Variants in PIAS2 observed in about 807,000 individuals in gnomAD.
PIAS2 encodes the protein E3 SUMO-protein ligase PIAS2.
Under a neutral mutation model 69.7 loss-of-function variants are expected in PIAS2, and 19 were observed. That is an observed-to-expected ratio of 0.27 (90% CI 0.19 to 0.40). The LOEUF (loss-of-function observed/expected upper bound fraction) is 0.40. Ranked by LOEUF, PIAS2 falls within the 10% of genes least tolerant of loss-of-function variation. The probability of loss-of-function intolerance (pLI) is 1.00; values close to 1 mark genes in which losing one functional copy is unlikely to be tolerated. For missense variants in PIAS2, 624 were observed against 757.0 expected, an observed-to-expected ratio of 0.82 and a Z score of 2.06; for synonymous variants, 261 against 263.2, an observed-to-expected ratio of 0.99 and a Z score of 0.08.
chr18:46,877,058 T>A (rs550314520), intron 2 of PIAS2, among the ~76,000 whole-genome samples: 1 of 152,186 alleles, frequency 6.6e-6, no homozygotes, highest in Non-Finnish European at 1.5e-5. Flanking sequence ...ATGTCCTCAA[T>A]CCTTACTTCT....
At chr18:46,856,291 C>T (rs2047820922) in intron 3 of PIAS2, among the ~76,000 whole-genome samples, 1 of 151,636 alleles carries the variant, frequency 6.6e-6, no homozygotes, top group South Asian at 2.1e-4. Flanking sequence ...TGAGACACTG[C>T]ACCTGGCCAA....
chr18:46,848,555 C>T lies in PIAS2; in HGVS notation c.727-1714G>A, dbSNP rs147362060. 2.7e-3 allele frequency among the ~76,000 whole-genome samples: 405 copies of T among 152,254 alleles called. 3 individuals carry two copies. The highest frequency in any genetic ancestry group is 9.4e-3 in the African/African-American group (392 of 41,552). On this transcript the variant is annotated intron_variant, in intron 5 of 13. Coordinates refer to ENST00000585916, the MANE Select transcript of PIAS2 (RefSeq NM_004671.5). ...TGGTAGTATCACAAGCAAAGAGGAACACACCCTGTCTACCACAACTTGGGA... is the reference window on the plus strand; with the variant it reads ...TGGTAGTATCACAAGCAAAGAGGAATACACCCTGTCTACCACAACTTGGGA...
intron 3 of PIAS2, among the ~76,000 whole-genome samples, chr18:46,859,902 A>T (rs1365069242): frequency 6.6e-6 from 1 of 152,242 alleles, no homozygotes; most frequent in Non-Finnish European, 1.5e-5. Flanking sequence ...ATCCCTTAAA[A>T]TGGGTACAAG....
chr18:46,860,680 G>A (rs912903788), intron 3 of PIAS2, among the ~76,000 whole-genome samples: 11 of 152,236 alleles, frequency 7.2e-5, no homozygotes, highest in African/African-American at 1.4e-4. Flanking sequence ...ACGAATAAAC[G>A]GGCTGGGAAT....
intron 1 of PIAS2, among the ~76,000 whole-genome samples, chr18:46,904,570 G>GTGAA (rs2056336598): frequency 6.6e-6 from 1 of 152,058 alleles, no homozygotes; most frequent in Admixed American, 6.6e-5. Flanking sequence ...GGCCAACATG[G>GTGAA]TGAAACACCA....
chr18:46,879,732 GA>G (rs1388868217), intron 2 of PIAS2, among the ~76,000 whole-genome samples: 5 of 151,492 alleles, frequency 3.3e-5, no homozygotes, highest in Admixed American at 3.3e-4. Context: ...CCTTAAAAAG[GA>G]AAAAAAATCT....
chr18:46,918,291 C>T (rs2146424600), upstream of PIAS2, among the ~76,000 whole-genome samples: 1 of 152,190 alleles, frequency 6.6e-6, no homozygotes, highest in Non-Finnish European at 1.5e-5. Flanking sequence ...GGTTCAATTT[C>T]CTTGAAGAAT....
At chr18:46,887,962 A>G (rs1183800076) in intron 2 of PIAS2, among the ~76,000 whole-genome samples, 1 of 152,210 alleles carries the variant, frequency 6.6e-6, no homozygotes, top group East Asian at 1.9e-4. Context: ...TATATACAGT[A>G]AACCTTAAAG....
At chr18:46,827,843 G>T in intron 11 of PIAS2, 116 bp downstream of exon 11, 1 of 879,884 alleles carries the variant, frequency 1.1e-6, no homozygotes, top group Non-Finnish European at 1.7e-6. Context: ...CTCAACAAAG[G>T]CAAATTAAAA....
intron 11 of PIAS2, among the ~76,000 whole-genome samples, chr18:46,824,915 G>A (rs764166110): frequency 1.3e-5 from 2 of 150,340 alleles, no homozygotes; most frequent in Non-Finnish European, 3.0e-5. Context: ...CAGGAGGATC[G>A]CTTCAACCCA....
At chr18:46,855,993 TTTTG>T (rs1489142550) in intron 3 of PIAS2, among the ~76,000 whole-genome samples, 33 of 120,976 alleles carry the variant, frequency 2.7e-4, no homozygotes, top group African/African-American at 1.1e-3. Flanking sequence ...TTTCTTTTTC[TTTTG>T]TTTTTTTTTT....
chr18:46,853,535 T>C (rs1260224635), intron 5 of PIAS2: 2 of 152,392 alleles, frequency 1.3e-5, no homozygotes, highest in South Asian at 2.1e-4. Context: ...CTCACGCCTG[T>C]AATCCCAGCA....
intron 9 of PIAS2, among the ~76,000 whole-genome samples, chr18:46,832,562 G>GTA (rs1275880001): frequency 6.6e-6 from 1 of 152,012 alleles, no homozygotes; most frequent in East Asian, 1.9e-4. Flanking sequence ...CCACAATGGA[G>GTA]TACCACTATA....
At chr18:46,874,084 G>A (rs2145757889) in intron 2 of PIAS2, among the ~76,000 whole-genome samples, 1 of 152,060 alleles carries the variant, frequency 6.6e-6, no homozygotes, top group Middle Eastern at 3.4e-3. Flanking sequence ...TGCAGTTCTT[G>A]GAGTCTCCAG....
At chr18:46,909,276 T>G (rs979589966) in intron 1 of PIAS2, among the ~76,000 whole-genome samples, 5 of 152,128 alleles carry the variant, frequency 3.3e-5, no homozygotes, top group Non-Finnish European at 7.4e-5. Context: ...CTTTTTTTTT[T>G]GAAACAGGGT....
intron 5 of PIAS2, among the ~76,000 whole-genome samples, chr18:46,854,363 G>GT (rs1264673284): frequency 4.6e-5 from 7 of 152,180 alleles, no homozygotes; most frequent in Non-Finnish European, 8.8e-5. Flanking sequence ...GTCAGCTCTG[G>GT]TGAAATGACA....
rs927782258 is a variant in PIAS2, at chr18:46,805,620, A to T, written c.*6813T>A. On this transcript the variant is annotated 3_prime_UTR_variant, in exon 14 of 14. Coordinates refer to ENST00000585916, the MANE Select transcript of PIAS2 (RefSeq NM_004671.5). ...CCCACGCTGGTGTGAGCTGTAGGGT[A>T]TGGCAGGGCCTCAGGTGGCAGCCAA... 1 of 152,300 alleles carries T rather than the reference A, an allele frequency of 6.6e-6. No individual in the cohort carries two copies. The highest frequency in any genetic ancestry group is 2.4e-5 in the African/African-American group (1 of 41,448). The allele number at this position is 152,300 out of a possible 1,614,324, so 9.4% of individuals were successfully genotyped here.
chr18:46,856,067 G>A (rs368866820), intron 3 of PIAS2, among the ~76,000 whole-genome samples: 1 of 138,930 alleles, frequency 7.2e-6, no homozygotes, highest in African/African-American at 2.7e-5. Context: ...GTGCAGTGGC[G>A]CGATCTTGGC....
rs1259899432 is a variant in PIAS2, at chr18:46,890,567, C to G, written c.499+13G>C. 6.5e-7 allele frequency: 1 copy of G among 1,538,642 alleles called. No individual in the cohort carries two copies. The highest frequency in any genetic ancestry group is 9.0e-7 in the Non-Finnish European group (1 of 1,116,932). On this transcript the variant is annotated intron_variant, in intron 2 of 13. Coordinates refer to ENST00000585916, the MANE Select transcript of PIAS2 (RefSeq NM_004671.5). ...TATCTTGTTCAGAAGAAACTGAATT[C>G]TCAAACACTTACCTAAACTCGTGGG...
Sources: gnomAD v4.1 joint callset for allele counts (sites outside exome capture counted in the v4.1 genomes callset) on GRCh38, gnomAD v4.1.1 for gene constraint, MANE v1.5 for transcripts, NCBI Gene and HGNC (gene_info 2026-07-23, HGNC 2026-07-21) for gene names.